Variants in SRC observed in about 807,000 individuals in gnomAD.
SRC encodes the protein proto-oncogene tyrosine-protein kinase Src.
Under a neutral mutation model 62.9 loss-of-function variants are expected in SRC, and 13 were observed. That is an observed-to-expected ratio of 0.21 (90% CI 0.13 to 0.33). SRC has a LOEUF of 0.33. SRC is among the 10% of genes least tolerant of loss of function. SRC has a pLI of 1.00. For synonymous variants in SRC, 302 were observed against 317.5 expected (o/e 0.95, Z 0.52); for missense variants, 457 against 737.3 (o/e 0.62, Z 4.40).
intron 1 of SRC, among the ~76,000 whole-genome samples, chr20:37,363,885 C>T (rs1304652582): frequency 6.6e-6 from 1 of 152,194 alleles, no homozygotes; most frequent in Non-Finnish European, 1.5e-5. Context: ...TCAGTTTCCT[C>T]ATCTGTGCGA....
chr20:37,386,361 C>T, intron 5 of SRC, 187 bp downstream of exon 5: 4 of 726,536 alleles, frequency 5.5e-6, no homozygotes, highest in Admixed American at 4.0e-5. Context: ...GTTGCTCCCC[C>T]AGCCATGGGG....
chr20:37,401,571 A>AGGAGCT, intron 10 of SRC, 31 bp from the exon 11 acceptor site: 1 of 1,577,296 alleles, frequency 6.3e-7, no homozygotes, highest in Non-Finnish European at 8.7e-7. Context: ...GGGACAGGGC[A>AGGAGCT]GGAGCTGGAG....
chr20:37,356,636 C>T (rs1173754952), intron 1 of SRC, among the ~76,000 whole-genome samples: 1 of 152,136 alleles, frequency 6.6e-6, no homozygotes, highest in South Asian at 2.1e-4. Context: ...CTGGCAGATT[C>T]CCAAGGCGCC....
At position 37,402,790 on chromosome 20, in the gene SRC, C is replaced by T; in HGVS notation, c.1312C>T (p.Leu438Phe). The T allele has an allele frequency of 6.2e-7, 1 of 1,614,050 alleles. No individual in the cohort carries two copies. ...CAAGTGGACGGCTCCAGAAGCTGCC[C>T]TCTATGGCCGCTTCACCATCAAGTC... ...PIKWTAPEAA[L>F]YGRFTIKSDV... The change falls in exon 13 of 14, where the codon CTC becomes TTC. Residue 438 changes from leucine (L) to phenylalanine (F), a missense_variant. Transcript: ENST00000373578. This position sits in a 1 kb window ranked among gnomAD's most constrained non-coding sequence, Gnocchi z 6.2.
chr20:37,370,309 T>G (rs1353618829), intron 2 of SRC, among the ~76,000 whole-genome samples: 1 of 152,258 alleles, frequency 6.6e-6, no homozygotes, highest in East Asian at 1.9e-4. Context: ...GCTTGGTACC[T>G]CACGCCTGTA....
chr20:37,403,452 A>G lies in SRC; in HGVS notation c.*73A>G. 1 of 1,441,878 alleles carries G rather than the reference A, an allele frequency of 6.9e-7. No homozygotes were observed. Among genetic ancestry groups the G allele is most frequent in the Non-Finnish European group, 9.3e-7 (1 of 1,074,322 alleles). 89.3% of individuals were successfully genotyped at this position (1,441,878 alleles called of 1,614,324 possible). A position where few individuals can be genotyped will look rare whatever the true frequency, so the allele number is the denominator to read the frequency against. On this transcript the variant is annotated 3_prime_UTR_variant, in exon 14 of 14. Coordinates refer to ENST00000373578, the MANE Select transcript of SRC (RefSeq NM_198291.3). This position sits in a 1 kb window ranked among gnomAD's most constrained non-coding sequence, Gnocchi z 7.1. ...TGGCCCCTGTCTCGGGGCTTGCCCC[A>G]CTCTGCCTGCCTGCTGTTGGTCCTC...
rs373698334 is a variant in SRC, at chr20:37,364,408, C to T, written c.-246-796C>T. On this transcript the variant is annotated intron_variant, in intron 1 of 13. Coordinates refer to ENST00000373578, the MANE Select transcript of SRC (RefSeq NM_198291.3). ...CCCAGGAGCACCGTGATGGTGACGCCGTAGCTGTTGTTATCCTCTGAGGAC... is the reference window on the plus strand; with the variant it reads ...CCCAGGAGCACCGTGATGGTGACGCTGTAGCTGTTGTTATCCTCTGAGGAC... Among the ~76,000 whole-genome samples the T allele has an allele frequency of 4.6e-5, 7 of 152,146 alleles. No homozygotes were observed. In the East Asian group the frequency reaches 7.7e-4, roughly 17 times the overall value.
intron 2 of SRC, 131 bp downstream of exon 2, chr20:37,365,408 C>G (rs1245141042): frequency 6.6e-6 from 1 of 152,050 alleles, no homozygotes; most frequent in Admixed American, 6.6e-5. Flanking sequence ...ACCCAGGTCT[C>G]CTTGCCAGAG....
rs1282748325 is a variant in SRC, at chr20:37,386,079, A to T, written c.255A>T (p.Gly85=). The change falls in exon 5 of 14, where the codon GGA becomes GGT. Residue 85 remains glycine (G), a synonymous_variant. Transcript: ENST00000373578. ...SPQRAGPLAG[G]VTTFVALYDY... Reference sequence around the variant, plus strand: ...ACACCCCACCCCTCTCTGCAGGTGGAGTGACCACCTTTGTGGCCCTCTATG... The same window carrying T: ...ACACCCCACCCCTCTCTGCAGGTGGTGTGACCACCTTTGTGGCCCTCTATG... The T allele has an allele frequency of 6.8e-6, 11 of 1,612,378 alleles. No individual in the cohort carries two copies. Among genetic ancestry groups the T allele is most frequent in the Middle Eastern group, 1.6e-4 (1 of 6,080 alleles).
At chr20:37,360,227 T>TG (rs1383083200) in intron 1 of SRC, among the ~76,000 whole-genome samples, 1 of 138,404 alleles carries the variant, frequency 7.2e-6, no homozygotes, top group East Asian at 2.0e-4. Context: ...TCTTTTTTTT[T>TG]TTTTTTTTTT....
chr20:37,368,566 T>G (rs1568625293), intron 2 of SRC, among the ~76,000 whole-genome samples: 6 of 137,664 alleles, frequency 4.4e-5, no homozygotes, highest in African/African-American at 1.6e-4. Context: ...TTTGTTTTTT[T>G]TTTTGAGACG....
Position 37,403,142 on chromosome 20 carries a change from G to C in SRC, c.1403-29G>C, listed in dbSNP as rs776709965. On this transcript the variant is annotated intron_variant, in intron 13 of 13. Transcript: ENST00000373578. The surrounding 1 kb of genome is among the most constrained non-coding windows in gnomAD (Gnocchi z 7.1). ...CCACCCCACTTTCCTCACCGGAGCC[G>C]GGCTCCCCATGCCTCGCTCTGCCCA... 7 of 1,510,052 alleles carry C rather than the reference G, an allele frequency of 4.6e-6. No individual in the cohort carries two copies. The highest frequency in any genetic ancestry group is 2.0e-5 in the Admixed American group (1 of 49,554). 93.5% of individuals were successfully genotyped at this position (1,510,052 alleles called of 1,614,324 possible). A position where few individuals can be genotyped will look rare whatever the true frequency, so the allele number is the denominator to read the frequency against.
intron 2 of SRC, among the ~76,000 whole-genome samples, chr20:37,373,132 A>G (rs113733551): frequency 4.1e-5 from 6 of 145,764 alleles, no homozygotes; most frequent in Non-Finnish European, 8.9e-5. Context: ...ATGTACATAT[A>G]TACACATATG....
In SRC at chr20:37,352,560, C is replaced by T. The variant is rs111681205; in HGVS notation, c.-247+6305C>T. Among the ~76,000 whole-genome samples, 5 of 152,348 alleles carry T rather than the reference C, an allele frequency of 3.3e-5. 1 individual carries two copies. The highest frequency in any genetic ancestry group is 1.2e-4 in the African/African-American group (5 of 41,584). ...ATAGCCTCCCAGTGCCCCGATGCCT[C>T]ACCCTGGCCTCCCTCCTCCGCCTCA... On this transcript the variant is annotated intron_variant, in intron 1 of 13. Transcript: ENST00000373578.
intron 1 of SRC, among the ~76,000 whole-genome samples, chr20:37,361,365 G>A (rs2069966997): frequency 6.6e-6 from 1 of 152,192 alleles, no homozygotes; most frequent in African/African-American, 2.4e-5. Context: ...CCCATTTCAT[G>A]GATGAGTAAA....
chr20:37,346,117 CTG>C (rs1282563239), upstream of SRC: 2 of 152,832 alleles, frequency 1.3e-5, no homozygotes, highest in Non-Finnish European at 2.9e-5. Flanking sequence ...CTCTCTCGAT[CTG>C]TCTCTCCCGG....
Position 37,360,081 on chromosome 20 carries a change from G to A in SRC, c.-246-5123G>A, listed in dbSNP as rs370205481. Among the ~76,000 whole-genome samples, 10 of 152,114 alleles carry A rather than the reference G, an allele frequency of 6.6e-5. No homozygotes were observed. In the East Asian group the frequency reaches 1.9e-3, roughly 29 times the overall value. On this transcript the variant is annotated intron_variant, in intron 1 of 13. Coordinates refer to ENST00000373578, the MANE Select transcript of SRC (RefSeq NM_198291.3). ...TATCTTGTGTCATTTTAGAGCAAAT[G>A]ACAGGCATCTTATTTCACGTGTGAA...
chr20:37,401,673 G>T lies in SRC; in HGVS notation c.1111G>T (p.Ala371Ser), dbSNP rs2070739927. 1 of 1,608,094 alleles carries T rather than the reference G, an allele frequency of 6.2e-7. No individual in the cohort carries two copies. The highest frequency in any genetic ancestry group is 8.5e-7 in the Non-Finnish European group (1 of 1,177,440). Residue 371 changes from alanine (A) to serine (S), a missense_variant, in exon 11 of 14, where the codon GCT (alanine) becomes TCT (serine). By Grantham distance (99) the Ala-to-Ser change is moderately conservative. This residue lies in a region of SRC where 168 missense variants were observed against 357.8 expected (regional missense o/e 0.47). Transcript: ENST00000373578. ...GCTGCCTCAGCTGGTGGACATGGCT[G>T]CTCAGGTGAGTCAGCCCCTCCCGCC... The part of the protein sequence containing the change: ...LRLPQLVDMA[A>S]QIASGMAYVE...
At chr20:37,387,497 A>G (rs2070475240) in intron 5 of SRC, among the ~76,000 whole-genome samples, 1 of 140,676 alleles carries the variant, frequency 7.1e-6, no homozygotes, top group Non-Finnish European at 1.5e-5. Flanking sequence ...CAAGTAGCAA[A>G]GCCAGGATTG....
Sources: gnomAD v4.1 joint callset for allele counts (sites outside exome capture counted in the v4.1 genomes callset) on GRCh38, gnomAD v4.1.1 for gene constraint, gnomAD v4.1.1 regional missense constraint, Gnocchi (gnomAD v3.1) non-coding constraint, MANE v1.5 for transcripts, NCBI Gene and HGNC (gene_info 2026-07-23, HGNC 2026-07-21) for gene names.